Variants in TAB2 observed in about 807,000 individuals in gnomAD.
TAB2 encodes TGF-beta activated kinase 1 (MAP3K7) binding protein 2.
TAB2 carries 3 observed loss-of-function variants against 65.0 expected under a neutral mutation model. The ratio of observed to expected loss-of-function variants is 0.05; its 90% confidence interval spans 0.02 to 0.12. The LOEUF (loss-of-function observed/expected upper bound fraction) is 0.12, where lower values mean the gene tolerates loss of function less well. TAB2 is among the 10% of genes least tolerant of loss of function. The pLI, the probability that TAB2 is intolerant of heterozygous loss-of-function variation, is 1.00. For missense variants in TAB2, 623 were observed against 840.3 expected (o/e 0.74, Z 3.20); for synonymous variants, 298 against 285.1 (o/e 1.05, Z -0.46).
intron 1 of TAB2, among the ~76,000 whole-genome samples, chr6:149,261,674 A>G (rs539764065): frequency 9.6e-4 from 146 of 152,354 alleles, no homozygotes; most frequent in African/African-American, 3.4e-3. Context: ...GTCTAAGGCT[A>G]CAACACCCCA....
In TAB2 at chr6:149,304,914, T is replaced by C. The variant is rs184458357; in HGVS notation, c.-120-73104T>C. Among the ~76,000 whole-genome samples, 19 of 151,392 alleles carry C rather than the reference T, an allele frequency of 1.3e-4. No homozygotes were observed. In the East Asian group the frequency reaches 3.5e-3, roughly 28 times the overall value. Reference sequence around the variant, plus strand: ...ATCACACACATCTTCTCATATACTTTAATCATCTCTAGATTATTTATACTT... The same window carrying C: ...ATCACACACATCTTCTCATATACTTCAATCATCTCTAGATTATTTATACTT... On this transcript the variant is annotated intron_variant, in intron 1 of 1. Coordinates refer to the TAB2 transcript ENST00000606202.
intron 1 of TAB2, among the ~76,000 whole-genome samples, chr6:149,296,679 C>G (rs565104075): frequency 1.3e-5 from 2 of 152,160 alleles, no homozygotes; most frequent in South Asian, 4.2e-4. Flanking sequence ...GAAAGGAGAA[C>G]CAATATGTAT....
At chr6:149,228,614 G>A (rs2114629800) in intron 1 of TAB2, among the ~76,000 whole-genome samples, 1 of 152,320 alleles carries the variant, frequency 6.6e-6, no homozygotes, top group South Asian at 2.1e-4. Context: ...GAATAAGCAG[G>A]AACACCTAAT....
intron 3 of TAB2, among the ~76,000 whole-genome samples, chr6:149,385,145 T>C (rs1781747215): frequency 6.6e-6 from 1 of 152,242 alleles, no homozygotes; most frequent in Non-Finnish European, 1.5e-5. Flanking sequence ...TCTCATTCCT[T>C]ACCATTTTTC....
chr6:149,384,575 TTCTTATTTTAC>T (rs1781725692), intron 3 of TAB2, among the ~76,000 whole-genome samples: 1 of 152,158 alleles, frequency 6.6e-6, no homozygotes, highest in Non-Finnish European at 1.5e-5. Flanking sequence ...ATGAAGAAAA[TTCTTATTTTAC>T]CCATTAAGAA....
At chr6:149,241,945 C>T (rs564002458) in intron 1 of TAB2, among the ~76,000 whole-genome samples, 6 of 152,118 alleles carry the variant, frequency 3.9e-5, no homozygotes, top group Admixed American at 6.5e-5. Flanking sequence ...CTGGGGGCCC[C>T]GAGGTCATCC....
chr6:149,252,178 G>A (rs202240572), intron 1 of TAB2, among the ~76,000 whole-genome samples: 4 of 151,988 alleles, frequency 2.6e-5, no homozygotes, highest in South Asian at 2.1e-4. Context: ...AGGCCGAGGC[G>A]GGTGGATCAC....
chr6:149,365,314 G>A (rs1206242609), intron 1 of TAB2, among the ~76,000 whole-genome samples: 1 of 152,070 alleles, frequency 6.6e-6, no homozygotes, highest in Non-Finnish European at 1.5e-5. Context: ...ATGTGTTTGG[G>A]TTGTCCTTAC....
chr6:149,388,761 A>G (rs898681239), intron 3 of TAB2, among the ~76,000 whole-genome samples: 1 of 152,012 alleles, frequency 6.6e-6, no homozygotes, highest in African/African-American at 2.4e-5. Flanking sequence ...GAACTTGCCT[A>G]TTTCTGTAAA....
chr6:149,220,115 T>G (rs898147569), intron 1 of TAB2, among the ~76,000 whole-genome samples: 3 of 152,254 alleles, frequency 2.0e-5, no homozygotes, highest in African/African-American at 7.2e-5. Flanking sequence ...ATGGTTGACT[T>G]AATAGAAGAC....
chr6:149,321,536 C>T (rs544787714), intron 1 of TAB2: 2 of 152,280 alleles, frequency 1.3e-5, no homozygotes, highest in South Asian at 4.1e-4. Flanking sequence ...AGCCTATTTA[C>T]TAGTAAGTGG....
intron 1 of TAB2, among the ~76,000 whole-genome samples, chr6:149,337,847 A>G (rs542588537): frequency 6.6e-6 from 1 of 152,266 alleles, no homozygotes; most frequent in South Asian, 2.1e-4. Context: ...ATGTTTGATG[A>G]TAGGGATAGG....
rs189512631 is a variant in TAB2 at position 149,237,129 on chromosome 6, A to G, written c.-121+18353A>G. Among the ~76,000 whole-genome samples the G allele has an allele frequency of 2.2e-3, 339 of 152,362 alleles. 2 individuals carry two copies. Among genetic ancestry groups the G allele is most frequent in the Non-Finnish European group, 1.5e-3 (101 of 68,032 alleles). Reference sequence around the variant, plus strand: ...ATTCCTTGGAATTTGGCAAGAAATAATATGTATAAGGGTGTACAAAGGTGC... The same window carrying G: ...ATTCCTTGGAATTTGGCAAGAAATAGTATGTATAAGGGTGTACAAAGGTGC... On this transcript the variant is annotated intron_variant, in intron 1 of 1. Transcript: ENST00000606202.
At chr6:149,385,896 A>T (rs1430516909) in intron 3 of TAB2, among the ~76,000 whole-genome samples, 1 of 152,222 alleles carries the variant, frequency 6.6e-6, no homozygotes, top group African/African-American at 2.4e-5. Flanking sequence ...AACAAATGCA[A>T]TAAAAATGTG....
At chr6:149,265,371 C>T (rs1004859410) in intron 1 of TAB2, among the ~76,000 whole-genome samples, 1 of 152,222 alleles carries the variant, frequency 6.6e-6, no homozygotes, top group Non-Finnish European at 1.5e-5. Context: ...AGCTGTTTTC[C>T]AACATCTGAA....
At chr6:149,305,592 T>C (rs545666426) in intron 1 of TAB2, among the ~76,000 whole-genome samples, 20 of 151,808 alleles carry the variant, frequency 1.3e-4, no homozygotes, top group Non-Finnish European at 2.6e-4. Context: ...AGAAAAGTAG[T>C]TCAAAGAAAA....
At chr6:149,336,915 A>G (rs937426076) in intron 1 of TAB2, among the ~76,000 whole-genome samples, 2 of 46,870 alleles carry the variant, frequency 4.3e-5, no homozygotes, top group East Asian at 7.0e-4. Context: ...GGCTGCATGC[A>G]TTTAGATAAA....
intron 1 of TAB2, among the ~76,000 whole-genome samples, chr6:149,267,721 A>G (rs745625071): frequency 9.2e-5 from 14 of 152,066 alleles, no homozygotes; most frequent in Non-Finnish European, 2.9e-5. Context: ...GATATAGCCT[A>G]CTACACACCC....
rs1444130973 is a variant in TAB2 at position 149,294,026 on chromosome 6, C to T, written c.-121+75250C>T. ...TTATAAGTGAAGAGCTAAAAAAAAC[C>T]CTAAGAATTGCTGTATAAATCCAGT... is the stretch of plus-strand genomic sequence containing the variant. On this transcript the variant is annotated intron_variant, in intron 1 of 1. Transcript: ENST00000606202. Among the ~76,000 whole-genome samples the T allele has an allele frequency of 3.3e-5, 5 of 151,826 alleles. No homozygotes were observed. In the East Asian group the frequency reaches 7.7e-4, roughly 23 times the overall value.
Sources: gnomAD v4.1 joint callset for allele counts (sites outside exome capture counted in the v4.1 genomes callset) on GRCh38, gnomAD v4.1.1 for gene constraint, MANE v1.5 for transcripts, NCBI Gene and HGNC (gene_info 2026-07-23, HGNC 2026-07-21) for gene names.